DNAJC15: variants seen among roughly 807,000 people sequenced by gnomAD.
DNAJC15 encodes the protein DnaJ heat shock protein family (Hsp40) member C15.
Under a neutral mutation model 22.4 loss-of-function variants are expected in DNAJC15, and 27 were observed. The ratio of observed to expected loss-of-function variants is 1.20; its 90% confidence interval spans 0.89 to 1.66. The LOEUF (loss-of-function observed/expected upper bound fraction) is 1.66. Ranked by LOEUF, DNAJC15 falls within the 40% of genes most tolerant of loss-of-function variation. DNAJC15 has a pLI of 0.00. For synonymous variants in DNAJC15, 79 were observed against 63.2 expected, an observed-to-expected ratio of 1.25 and a Z score of -1.19; for missense variants, 208 against 187.1, an observed-to-expected ratio of 1.11 and a Z score of -0.65.
chr13:43,023,799 T>C, intron 1 of DNAJC15, 65 bp downstream of exon 1: 6 of 1,408,798 alleles, frequency 4.3e-6, no homozygotes, highest in Non-Finnish European at 5.8e-6. Context: ...CAGCCCCCTC[T>C]ACCGCCTCAC....
At chr13:43,078,166 C>G (rs1169572988) in intron 3 of DNAJC15, among the ~76,000 whole-genome samples, 1 of 152,192 alleles carries the variant, frequency 6.6e-6, no homozygotes, top group Non-Finnish European at 1.5e-5. Context: ...TTCCCAGCCT[C>G]TCTTGGCTTG....
chr13:43,034,347 G>A (rs1396138299), intron 1 of DNAJC15, among the ~76,000 whole-genome samples: 6 of 113,712 alleles, frequency 5.3e-5, no homozygotes, highest in Non-Finnish European at 9.8e-5. Flanking sequence ...ACAGAGTCTC[G>A]CTGTGTCGCC....
At chr13:43,056,474 T>C (rs1353807033) in intron 1 of DNAJC15, among the ~76,000 whole-genome samples, 3 of 152,220 alleles carry the variant, frequency 2.0e-5, no homozygotes, top group Non-Finnish European at 4.4e-5. Flanking sequence ...GAATGTTCTA[T>C]GATGAATAGA....
At chr13:43,091,557 T>C (rs772787969) in intron 5 of DNAJC15, among the ~76,000 whole-genome samples, 3 of 152,248 alleles carry the variant, frequency 2.0e-5, no homozygotes, top group Non-Finnish European at 4.4e-5. Flanking sequence ...ATGTTTGTAA[T>C]TGCATTGTTA....
intron 5 of DNAJC15, among the ~76,000 whole-genome samples, chr13:43,104,820 T>C (rs2040788490): frequency 1.3e-5 from 2 of 150,544 alleles, no homozygotes; most frequent in South Asian, 4.2e-4. Flanking sequence ...TCTCCAGTAG[T>C]TCAGACTACA....
At chr13:43,038,293 C>T (rs767788846) in intron 1 of DNAJC15, among the ~76,000 whole-genome samples, 7 of 152,186 alleles carry the variant, frequency 4.6e-5, no homozygotes, top group Non-Finnish European at 8.8e-5. Flanking sequence ...GGAGATTGTT[C>T]ATTGAACCAT....
At chr13:43,062,797 C>T (rs1417474610) in intron 1 of DNAJC15, among the ~76,000 whole-genome samples, 1 of 152,060 alleles carries the variant, frequency 6.6e-6, no homozygotes. Flanking sequence ...TGGCTCACTG[C>T]ACCCTCCGCC....
intron 1 of DNAJC15, among the ~76,000 whole-genome samples, chr13:43,050,928 G>C (rs1315914985): frequency 6.6e-6 from 1 of 151,928 alleles, no homozygotes; most frequent in Non-Finnish European, 1.5e-5. Context: ...TTTTACTCTA[G>C]TGATCTACCT....
intron 1 of DNAJC15, among the ~76,000 whole-genome samples, chr13:43,025,217 A>G (rs1313155590): frequency 6.6e-6 from 1 of 152,206 alleles, no homozygotes; most frequent in Admixed American, 6.5e-5. Flanking sequence ...TGGATATAGT[A>G]TTCAGTGTAT....
intron 5 of DNAJC15, among the ~76,000 whole-genome samples, chr13:43,101,805 G>A (rs1464656957): frequency 1.3e-5 from 2 of 152,082 alleles, no homozygotes; most frequent in Admixed American, 6.5e-5. Flanking sequence ...TTATAGATAT[G>A]TACCATGTTT....
chr13:43,101,319 GTA>G (rs1204145366), intron 5 of DNAJC15, among the ~76,000 whole-genome samples: 10 of 152,190 alleles, frequency 6.6e-5, no homozygotes, highest in African/African-American at 2.4e-4. Context: ...TTGAGCCACT[GTA>G]CCTGGCTGGG....
chr13:43,084,583 A>G (rs1047471261), intron 4 of DNAJC15, among the ~76,000 whole-genome samples: 1 of 152,254 alleles, frequency 6.6e-6, no homozygotes, highest in Non-Finnish European at 1.5e-5. Flanking sequence ...AACTATTATT[A>G]TCCCCATTTG....
rs987088692 is a variant in DNAJC15 at position 43,056,239 on chromosome 13, C to A, written c.109-9447C>A. Among the ~76,000 whole-genome samples, 5 of 151,946 alleles carry A rather than the reference C, an allele frequency of 3.3e-5. No individual in the cohort carries two copies. In the East Asian group the frequency reaches 9.6e-4, roughly 29 times the overall value. On this transcript the variant is annotated intron_variant, in intron 1 of 5. Coordinates refer to ENST00000379221, the MANE Select transcript of DNAJC15 (RefSeq NM_013238.3). ...CAATCTCAGCTCACTGCAACCTCCA[C>A]CTCCTGGGTTCAAGCAAGCCTCCCA...
At chr13:43,104,693 C>T (rs75322015) in intron 5 of DNAJC15, among the ~76,000 whole-genome samples, 2 of 136,608 alleles carry the variant, frequency 1.5e-5, no homozygotes, top group South Asian at 2.3e-4. Flanking sequence ...CTTTTCTTTT[C>T]TTTTTTTTTT....
chr13:43,075,606 A>G, intron 3 of DNAJC15, among the ~76,000 whole-genome samples: 1 of 151,678 alleles, frequency 6.6e-6, no homozygotes. Flanking sequence ...GGAGTAACGT[A>G]TGCATCTAGT....
intron 1 of DNAJC15, among the ~76,000 whole-genome samples, chr13:43,063,030 A>G (rs2040566220): frequency 6.7e-6 from 1 of 150,250 alleles, no homozygotes; most frequent in African/African-American, 2.5e-5. Context: ...TTATTTTTTG[A>G]GAGAGTCTCT....
intron 1 of DNAJC15, among the ~76,000 whole-genome samples, chr13:43,052,449 C>T (rs1252932452): frequency 6.6e-6 from 1 of 151,114 alleles, no homozygotes; most frequent in Non-Finnish European, 1.5e-5. Context: ...CAGAGTCTCA[C>T]TCTTGTCACT....
chr13:43,034,527 G>A (rs540196459), intron 1 of DNAJC15, among the ~76,000 whole-genome samples: 7 of 151,942 alleles, frequency 4.6e-5, no homozygotes, highest in Non-Finnish European at 8.8e-5. Context: ...GTGTTAGCCA[G>A]GATGGTCTTG....
At position 43,072,859 on chromosome 13, in the gene DNAJC15, C is replaced by T. The variant is rs150375051; in HGVS notation, c.234+3856C>T. ...GATTATAGGCGTGAGCCACTGCGCC[C>T]GGCCAACGTTAGTAATTTTCTAACT... On this transcript the variant is annotated intron_variant, in intron 3 of 5. Transcript: ENST00000379221. Among the ~76,000 whole-genome samples, 331 of 152,266 alleles carry T rather than the reference C, an allele frequency of 2.2e-3. 1 individual carries two copies. Among genetic ancestry groups the T allele is most frequent in the Middle Eastern group, 0.01 (3 of 294 alleles).
Sources: allele counts gnomAD v4.1 joint callset (sites outside exome capture counted in the v4.1 genomes callset), GRCh38; gene constraint gnomAD v4.1.1; transcripts MANE v1.5; gene names NCBI Gene and HGNC (gene_info 2026-07-23, HGNC 2026-07-21).